PDE4D: variants seen among roughly 807,000 people sequenced by gnomAD.
The protein encoded by PDE4D is 3',5'-cyclic-AMP phosphodiesterase 4D.
PDE4D carries 24 observed loss-of-function variants against 87.4 expected under a neutral mutation model. The observed-to-expected ratio is 0.27, with a 90% CI of 0.20 to 0.39. The LOEUF is 0.39. Ranked by LOEUF, PDE4D falls within the 10% of genes least tolerant of loss-of-function variation. The pLI, the probability that PDE4D is intolerant of heterozygous loss-of-function variation, is 1.00. For synonymous variants in PDE4D, 384 were observed against 383.2 expected, an observed-to-expected ratio of 1.00 and a Z score of -0.02; for missense variants, 714 against 1,041.0, an observed-to-expected ratio of 0.69 and a Z score of 4.32.
At chr5:59,172,537 A>C (rs1783179845) in intron 5 of PDE4D, among the ~76,000 whole-genome samples, 2 of 150,556 alleles carry the variant, frequency 1.3e-5, no homozygotes, top group Non-Finnish European at 3.0e-5. Context: ...TCTACAAAAA[A>C]TACAAAAAAT....
chr5:59,440,731 G>T (rs1025635736), intron 1 of PDE4D, among the ~76,000 whole-genome samples: 34 of 152,174 alleles, frequency 2.2e-4, no homozygotes, highest in African/African-American at 8.2e-4. Flanking sequence ...AGCCGAGGTT[G>T]CACCACTGCA....
At chr5:60,312,051 T>A (rs1755086698) in intron 1 of PDE4D, among the ~76,000 whole-genome samples, 1 of 152,118 alleles carries the variant, frequency 6.6e-6, no homozygotes, top group East Asian at 1.9e-4. Context: ...TAAAACAAGT[T>A]CTTAGAGACC....
At chr5:59,186,330 T>C (rs917021503) in intron 3 of PDE4D, among the ~76,000 whole-genome samples, 4 of 152,172 alleles carry the variant, frequency 2.6e-5, no homozygotes, top group African/African-American at 7.2e-5. Flanking sequence ...CGTAGAATTG[T>C]TGTGAGGAGT....
intron 2 of PDE4D, among the ~76,000 whole-genome samples, chr5:60,035,526 C>T (rs1329102060): frequency 6.6e-6 from 1 of 152,036 alleles, no homozygotes; most frequent in African/African-American, 2.4e-5. Context: ...CCTTTTCCTT[C>T]CATCAAGTTA....
At chr5:60,451,276 G>C (rs1746076784) in intron 1 of PDE4D, among the ~76,000 whole-genome samples, 1 of 152,028 alleles carries the variant, frequency 6.6e-6, no homozygotes, top group South Asian at 2.1e-4. Context: ...GTACATATTT[G>C]GGAGGTACAT....
chr5:58,980,093 G>A (rs771627699), intron 11 of PDE4D, among the ~76,000 whole-genome samples: 7 of 152,132 alleles, frequency 4.6e-5, no homozygotes, highest in Non-Finnish European at 7.3e-5. Context: ...TGTTGTTATC[G>A]ACATTTTAAG....
intron 1 of PDE4D, among the ~76,000 whole-genome samples, chr5:59,833,313 G>T (rs1276880453): frequency 6.6e-6 from 1 of 151,902 alleles, no homozygotes; most frequent in Admixed American, 6.6e-5. Flanking sequence ...GGAAAAATGG[G>T]GTCAACTTAG....
chr5:59,481,572 G>A (rs1370629710), intron 1 of PDE4D, among the ~76,000 whole-genome samples: 1 of 152,060 alleles, frequency 6.6e-6, no homozygotes, highest in Non-Finnish European at 1.5e-5. Flanking sequence ...GGGTGCATTT[G>A]GGTGGTGGTA....
intron 1 of PDE4D, among the ~76,000 whole-genome samples, chr5:60,321,620 T>C (rs1222528454): frequency 6.6e-6 from 1 of 152,104 alleles, no homozygotes; most frequent in Non-Finnish European, 1.5e-5. Flanking sequence ...ACCTGCAGAA[T>C]GGGAGAAAAT....
chr5:60,432,047 C>CAGAGGGAGACCGTGGAAAG (rs1309957841), intron 1 of PDE4D, among the ~76,000 whole-genome samples: 12 of 151,422 alleles, frequency 7.9e-5, no homozygotes, highest in Admixed American at 2.0e-4. Context: ...AGCTCGGCAT[C>CAGAGGGAGACCGTGGAAAG]AGAGGGAGAC....
chr5:59,524,046 G>A (rs1812663561), intron 1 of PDE4D, among the ~76,000 whole-genome samples: 1 of 152,206 alleles, frequency 6.6e-6, no homozygotes. Context: ...CTTTATAGCA[G>A]TGTGAGAACA....
At chr5:60,517,953 G>T (rs1276389348) in intron 1 of PDE4D, among the ~76,000 whole-genome samples, 6 of 152,248 alleles carry the variant, frequency 3.9e-5, no homozygotes, top group Admixed American at 2.0e-4. Flanking sequence ...CCTTCAGGGA[G>T]CCCAGACCTG....
intron 1 of PDE4D, among the ~76,000 whole-genome samples, chr5:59,508,997 C>CGAGGCAATATTT (rs1215555248): frequency 6.6e-6 from 1 of 151,726 alleles, no homozygotes; most frequent in Non-Finnish European, 1.5e-5. Flanking sequence ...GGAATGGCAA[C>CGAGGCAATATTT]GAGGCAATAT....
At chr5:59,295,264 T>C (rs2044419) in intron 1 of PDE4D, among the ~76,000 whole-genome samples, 10,866 of 152,226 alleles carry the variant, frequency 0.071, 517 homozygotes, top group South Asian at 0.13. Flanking sequence ...TTTATTTTAA[T>C]AAAATATTAG....
intron 1 of PDE4D, among the ~76,000 whole-genome samples, chr5:60,309,629 C>G (rs559897337): frequency 3.3e-5 from 5 of 152,172 alleles, no homozygotes; most frequent in African/African-American, 1.2e-4. Flanking sequence ...ACAGAGAACA[C>G]TGAAAGCACA....
intron 3 of PDE4D, among the ~76,000 whole-genome samples, chr5:59,971,345 C>T (rs143609574): frequency 0.064 from 5,681 of 88,080 alleles, 319 homozygotes; most frequent in East Asian, 0.22. Context: ...TACCCTAAAA[C>T]TTAAAGTATA....
At chr5:60,042,243 C>T (rs1371935540) in intron 2 of PDE4D, among the ~76,000 whole-genome samples, 3 of 152,088 alleles carry the variant, frequency 2.0e-5, no homozygotes, top group Non-Finnish European at 4.4e-5. Flanking sequence ...GACTGCCTTC[C>T]TAGATTCCTC....
chr5:60,127,062 G>A (rs1445881971), intron 2 of PDE4D, among the ~76,000 whole-genome samples: 1 of 152,154 alleles, frequency 6.6e-6, no homozygotes, highest in Non-Finnish European at 1.5e-5. Context: ...AGATGGGAAG[G>A]ATGAGGAGGG....
intron 1 of PDE4D, among the ~76,000 whole-genome samples, chr5:59,343,120 G>C (rs1387419431): frequency 6.6e-6 from 1 of 151,638 alleles, no homozygotes; most frequent in African/African-American, 2.4e-5. Flanking sequence ...CCCCTCTCTG[G>C]TATGCTCCTG....
Sources: gnomAD v4.1 joint callset for allele counts (sites outside exome capture counted in the v4.1 genomes callset) on GRCh38, gnomAD v4.1.1 for gene constraint, MANE v1.5 for transcripts, NCBI Gene and HGNC (gene_info 2026-07-23, HGNC 2026-07-21) for gene names.